TMEM163: variants seen among roughly 807,000 people sequenced by gnomAD.
The protein encoded by TMEM163 is transmembrane protein 163.
Under a neutral mutation model 29.3 loss-of-function variants are expected in TMEM163, and 17 were observed. That is an observed-to-expected ratio of 0.58 (90% CI 0.40 to 0.87). The LOEUF (loss-of-function observed/expected upper bound fraction) is 0.87, where lower values mean the gene tolerates loss of function less well. TMEM163 is among the 40% of genes least tolerant of loss of function. The pLI, the probability that TMEM163 is intolerant of heterozygous loss-of-function variation, is 0.00. For synonymous variants in TMEM163, 157 were observed against 160.6 expected (o/e 0.98, Z 0.17); for missense variants, 303 against 381.5 (o/e 0.79, Z 1.71).
chr2:134,461,151 C>T (rs1686526113), intron 6 of TMEM163, among the ~76,000 whole-genome samples: 1 of 152,238 alleles, frequency 6.6e-6, no homozygotes. Context: ...GTTGCAACCA[C>T]AGATCCGCTC....
intron 2 of TMEM163, among the ~76,000 whole-genome samples, chr2:134,599,924 C>T (rs1460444603): frequency 4.0e-5 from 6 of 151,028 alleles, no homozygotes; most frequent in Admixed American, 3.9e-4. Flanking sequence ...TACCTACACA[C>T]ATATATACAC....
intron 5 of TMEM163, among the ~76,000 whole-genome samples, chr2:134,477,339 T>C (rs756197665): frequency 2.6e-5 from 4 of 152,342 alleles, no homozygotes; most frequent in Non-Finnish European, 5.9e-5. Context: ...CATAGTGCGA[T>C]CTGTTTGTTT....
chr2:134,613,236 G>T (rs1024297926), intron 2 of TMEM163, among the ~76,000 whole-genome samples: 7 of 152,080 alleles, frequency 4.6e-5, no homozygotes, highest in Non-Finnish European at 1.0e-4. Context: ...AAAGAAAAAA[G>T]CTAAAGGAAA....
At chr2:134,718,266 G>A (rs910964127) in intron 1 of TMEM163, among the ~76,000 whole-genome samples, 18 of 152,104 alleles carry the variant, frequency 1.2e-4, no homozygotes, top group African/African-American at 4.1e-4. Context: ...GCCGCCGAGG[G>A]ACATCTCGCG....
At chr2:134,618,230 G>A (rs1158751042) in intron 2 of TMEM163, among the ~76,000 whole-genome samples, 1 of 152,092 alleles carries the variant, frequency 6.6e-6, no homozygotes, top group Non-Finnish European at 1.5e-5. Context: ...GATTTACCAT[G>A]CAAGCAGTAA....
chr2:134,502,293 C>G (rs184142429), intron 5 of TMEM163, among the ~76,000 whole-genome samples: 1 of 152,070 alleles, frequency 6.6e-6, no homozygotes, highest in Admixed American at 6.5e-5. Context: ...CTGCCTGTCA[C>G]GAAGACTGCA....
In TMEM163 at chr2:134,594,939, G is replaced by A. The variant is rs75218069; in HGVS notation, c.323-42848C>T. ...AAAAGAATGACAAGGAAAGGTTTTGGCACAGAAGCAATATAGCAAGGTAAT... is the reference window on the plus strand; with the variant it reads ...AAAAGAATGACAAGGAAAGGTTTTGACACAGAAGCAATATAGCAAGGTAAT... On this transcript the variant is annotated intron_variant, in intron 2 of 7. Transcript: ENST00000281924. 2.7e-3 allele frequency among the ~76,000 whole-genome samples: 411 copies of A among 151,104 alleles called. 3 individuals carry two copies. The highest frequency in any genetic ancestry group is 9.6e-3 in the African/African-American group (397 of 41,202).
chr2:134,612,542 A>AACACACACACACACACACACACACAC (rs3039625), intron 2 of TMEM163, among the ~76,000 whole-genome samples: 9 of 140,568 alleles, frequency 6.4e-5, no homozygotes, highest in African/African-American at 1.9e-4. Flanking sequence ...GGTTTGCCCC[A>AACACACACACACACACACACACACAC]ACACACACAC....
chr2:134,672,423 C>A (rs551403145), intron 2 of TMEM163, among the ~76,000 whole-genome samples: 1 of 152,266 alleles, frequency 6.6e-6, no homozygotes, highest in South Asian at 2.1e-4. Context: ...CCTATGTGAG[C>A]TCATACACAG....
Position 134,502,995 on chromosome 2 carries a change from G to C in TMEM163, c.461C>G (p.Ala154Gly). The change falls in exon 5 of 8, where the codon GCC (alanine) becomes GGC (glycine). Residue 154 changes from alanine (A) to glycine (G), a missense_variant and splice_region_variant. By Grantham distance (60) the Ala-to-Gly change is moderately conservative (BLOSUM62 0). Transcript: ENST00000281924. The part of the protein sequence containing the change: ...AVHSAHREYI[A>G]CVILGVIFLL... The stretch of plus-strand genomic sequence containing the variant: ...GAATATCACCCCCAAGATGACACAG[G>C]CTCTGCAAAAAACAAAACATTGAGA... The C allele has an allele frequency of 1.2e-6, 2 of 1,612,652 alleles. No individual in the cohort carries two copies. The highest frequency in any genetic ancestry group is 1.7e-6 in the Non-Finnish European group (2 of 1,179,296).
intron 2 of TMEM163, among the ~76,000 whole-genome samples, chr2:134,600,343 T>TA (rs1478961012): frequency 6.6e-6 from 1 of 152,108 alleles, no homozygotes; most frequent in Non-Finnish European, 1.5e-5. Context: ...AACAATGGCA[T>TA]AAAAAATCTT....
chr2:134,527,807 C>T (rs78242183), intron 4 of TMEM163, among the ~76,000 whole-genome samples: 3,302 of 152,144 alleles, frequency 0.022, 104 homozygotes, highest in African/African-American at 0.074. Flanking sequence ...GAGGAACATA[C>T]GAAAATAATT....
chr2:134,666,959 C>T (rs1445372892), intron 2 of TMEM163, among the ~76,000 whole-genome samples: 1 of 152,196 alleles, frequency 6.6e-6, no homozygotes, highest in Non-Finnish European at 1.5e-5. Context: ...TCACTCCTTG[C>T]ACTGCCAAAG....
chr2:134,497,667 T>C (rs979903564), intron 5 of TMEM163, among the ~76,000 whole-genome samples: 1 of 152,228 alleles, frequency 6.6e-6, no homozygotes, highest in Non-Finnish European at 1.5e-5. Context: ...CTTCTCACAG[T>C]TCTGTTGTGG....
chr2:134,574,132 AC>A (rs1158768503), intron 2 of TMEM163, among the ~76,000 whole-genome samples: 1 of 152,226 alleles, frequency 6.6e-6, no homozygotes, highest in Non-Finnish European at 1.5e-5. Context: ...ATACTACCAA[AC>A]ACCGTAGCAG....
At chr2:134,492,863 C>T (rs1378058840) in intron 5 of TMEM163, among the ~76,000 whole-genome samples, 2 of 152,068 alleles carry the variant, frequency 1.3e-5, no homozygotes, top group African/African-American at 4.8e-5. Flanking sequence ...GGGTAAATAC[C>T]TAAGGTTGGA....
intron 2 of TMEM163, among the ~76,000 whole-genome samples, chr2:134,682,633 T>C (rs1425146891): frequency 6.6e-6 from 1 of 152,324 alleles, no homozygotes; most frequent in East Asian, 1.9e-4. Flanking sequence ...TCCAGAATAC[T>C]GTCAACACCA....
chr2:134,641,542 A>G (rs1683219001), intron 2 of TMEM163, among the ~76,000 whole-genome samples: 2 of 152,206 alleles, frequency 1.3e-5, no homozygotes, highest in African/African-American at 4.8e-5. Context: ...AACAGATGGA[A>G]GGAGAAAATA....
intron 2 of TMEM163, among the ~76,000 whole-genome samples, chr2:134,606,974 A>G (rs1682386977): frequency 7.4e-6 from 1 of 135,806 alleles, no homozygotes; most frequent in Non-Finnish European, 1.6e-5. Context: ...ACTGGTGAAA[A>G]GGAGGACAGA....
Sources: gnomAD v4.1 joint callset for allele counts (sites outside exome capture counted in the v4.1 genomes callset) on GRCh38, gnomAD v4.1.1 for gene constraint, MANE v1.5 for transcripts, NCBI Gene and HGNC (gene_info 2026-07-23, HGNC 2026-07-21) for gene names.